SEC16B: variants seen among roughly 807,000 people sequenced by gnomAD.
SEC16B encodes protein transport protein Sec16B.
SEC16B carries 115 observed loss-of-function variants against 141.8 expected under a neutral mutation model. The observed-to-expected ratio is 0.81, with a 90% CI of 0.70 to 0.95. The LOEUF (loss-of-function observed/expected upper bound fraction) is 0.95, where lower values mean the gene tolerates loss of function less well. Ranked by LOEUF, SEC16B falls within the 40% of genes least tolerant of loss-of-function variation. SEC16B has a pLI of 0.00. For synonymous variants in SEC16B, 493 were observed against 492.5 expected (o/e 1.00, Z -0.01); for missense variants, 1,291 against 1,312.3 (o/e 0.98, Z 0.25).
intron 1 of SEC16B, among the ~76,000 whole-genome samples, chr1:177,975,764 G>A (rs762417143): frequency 1.4e-4 from 21 of 152,178 alleles, no homozygotes; most frequent in Non-Finnish European, 2.4e-4. Flanking sequence ...AGGGAGTGAC[G>A]GTTTAGTGCA....
Position 177,958,266 on chromosome 1 carries a change from G to A in SEC16B, c.1231C>T (p.Leu411=). 5 of 1,611,040 alleles carry A rather than the reference G, an allele frequency of 3.1e-6. No individual in the cohort carries two copies. The highest frequency in any genetic ancestry group is 4.2e-6 in the Non-Finnish European group (5 of 1,178,526). The change falls in exon 10 of 26, where the codon CTG becomes TTG. Residue 411 remains leucine (L), a synonymous_variant. Transcript: ENST00000308284. The part of the protein sequence containing the change: ...RQPPVANLIN[L]TDEDWPVLSS... ...AGCACTGGCCAGTCCTCATCGGTCA[G>A]GTTGATGAGGTTGGCCACAGGGGGC...
chr1:177,940,739 A>T (rs1651215455), intron 16 of SEC16B, 25 bp from the exon 17 acceptor site: 1 of 1,538,306 alleles, frequency 6.5e-7, no homozygotes, highest in Admixed American at 1.7e-5. Flanking sequence ...CAGATGGGTT[A>T]GGGGCAGAAA....
intron 3 of SEC16B, among the ~76,000 whole-genome samples, chr1:177,965,679 T>C (rs958375559): frequency 6.6e-6 from 1 of 152,178 alleles, no homozygotes; most frequent in Non-Finnish European, 1.5e-5. Flanking sequence ...ATAGTGCTAG[T>C]AACAGTACCA....
In SEC16B at chr1:177,937,391, A is replaced by G; in HGVS notation, c.2326T>C (p.Phe776Leu). The G allele has an allele frequency of 6.2e-7, 1 of 1,612,162 alleles. No homozygotes were observed. Among genetic ancestry groups the G allele is most frequent in the East Asian group, 2.2e-5 (1 of 44,834 alleles). ...CLLQPSPQQP[F>L]PLQPGSYPAG... ...GGGTAGGAGCCCGGCTGGAGGGGAA[A>G]GGGCTGCTGTGGGCTGGGCTGGAGC... The change falls in exon 19 of 26, where the codon TTT becomes CTT. Residue 776 changes from phenylalanine to leucine, a missense_variant. By Grantham distance (22) the Phe-to-Leu change is conservative. Around this residue, in one of 3 missense-constraint regions of SEC16B, gnomAD observed 605 missense variants for 614.1 expected, o/e 0.99. Coordinates refer to ENST00000308284, the MANE Select transcript of SEC16B (RefSeq NM_033127.4).
intron 1 of SEC16B, among the ~76,000 whole-genome samples, chr1:177,982,540 T>C (rs1482221731): frequency 6.6e-6 from 1 of 152,218 alleles, no homozygotes; most frequent in African/African-American, 2.4e-5. Context: ...ATAAAAATTG[T>C]GCTTTTTAAA....
At chr1:177,936,999 G>A (rs1484102440) in intron 19 of SEC16B, among the ~76,000 whole-genome samples, 1 of 152,168 alleles carries the variant, frequency 6.6e-6, no homozygotes, top group East Asian at 1.9e-4. Context: ...GAGATGGACT[G>A]GGCTGGAAGA....
upstream of SEC16B, among the ~76,000 whole-genome samples, chr1:177,972,614 C>T (rs923991232): frequency 6.6e-6 from 1 of 152,162 alleles, no homozygotes; most frequent in Non-Finnish European, 1.5e-5. Context: ...GGATTGGAGT[C>T]CTAGAAGTTT....
intron 12 of SEC16B, chr1:177,948,284 G>C (rs1651890084): frequency 8.2e-7 from 1 of 1,224,582 alleles, no homozygotes; most frequent in South Asian, 1.5e-5. Flanking sequence ...GAAAAACCCT[G>C]AGGCTTCAGT....
At chr1:177,976,937 A>C (rs972615534) in intron 1 of SEC16B, among the ~76,000 whole-genome samples, 5 of 152,206 alleles carry the variant, frequency 3.3e-5, no homozygotes, top group African/African-American at 1.2e-4. Context: ...ACAAAATTAG[A>C]AACTTTAAGA....
rs10913474 is a variant in SEC16B, at chr1:177,967,109, G to A, written c.299+574C>T. Among the ~76,000 whole-genome samples, 870 of 152,184 alleles carry A rather than the reference G, an allele frequency of 5.7e-3. 14 individuals are homozygous for A. The highest frequency in any genetic ancestry group is 0.02 in the African/African-American group (828 of 41,530). On this transcript the variant is annotated intron_variant, in intron 2 of 25. Transcript: ENST00000308284. ...GACCTCACTGCAACCTCTTCCTTCCGAACTTGGAGCCTGCAGGTTTCTATC... is the reference window on the plus strand; with the variant it reads ...GACCTCACTGCAACCTCTTCCTTCCAAACTTGGAGCCTGCAGGTTTCTATC...
upstream of SEC16B, among the ~76,000 whole-genome samples, chr1:177,972,291 C>T (rs1653993788): frequency 6.6e-6 from 1 of 152,156 alleles, no homozygotes; most frequent in Non-Finnish European, 1.5e-5. Context: ...TCTCACCACT[C>T]CAAAGGGTTT....
At chr1:177,930,714 G>A (rs1228915944) in intron 24 of SEC16B, 71 bp from the exon 25 acceptor site, 8 of 1,058,310 alleles carry the variant, frequency 7.6e-6, no homozygotes, top group African/African-American at 1.6e-5. Flanking sequence ...AGGCCTTCAA[G>A]AAGCATATCA....
Position 177,932,743 on chromosome 1 carries a change from CAG to C in SEC16B, c.2885_2886del (p.Pro962ArgfsTer9). ...AGLGLSLTPS[P>X]ESPPLPDVSA... ...CTAACATCCGGCAGAGGTGGGGACT[CAG>C]GGGAAGGTGTCAGTGAGAGGCCCAG... is the stretch of plus-strand genomic sequence containing the variant. On this transcript the variant is annotated frameshift_variant, in exon 23 of 26. Coordinates refer to ENST00000308284, the MANE Select transcript of SEC16B (RefSeq NM_033127.4). LOFTEE classifies it high-confidence loss of function. 6.2e-7 allele frequency: 1 copy of C among 1,610,334 alleles called. No homozygotes were observed. Among genetic ancestry groups the C allele is most frequent in the Non-Finnish European group, 8.5e-7 (1 of 1,178,480 alleles).
At chr1:177,933,420 C>T in intron 21 of SEC16B, 64 bp downstream of exon 21, 1 of 1,581,418 alleles carries the variant, frequency 6.3e-7, no homozygotes, top group Admixed American at 1.8e-5. Context: ...CAAGTCTGCA[C>T]CACCCTCGAG....
At chr1:177,958,756 A>G in intron 9 of SEC16B, 84 bp downstream of exon 9, 4 of 1,477,678 alleles carry the variant, frequency 2.7e-6, no homozygotes, top group Non-Finnish European at 3.6e-6. Context: ...GCTTTTCATA[A>G]TCATGTCATA....
chr1:177,960,160 T>C (rs959343536), intron 8 of SEC16B, 182 bp downstream of exon 8: 1 of 587,192 alleles, frequency 1.7e-6, no homozygotes, highest in East Asian at 2.8e-5. Context: ...AACTATTGAA[T>C]GGCTTGTCAA....
At chr1:177,946,565 A>G in intron 13 of SEC16B, 34 bp from the exon 14 acceptor site, 1 of 1,495,992 alleles carries the variant, frequency 6.7e-7, no homozygotes, top group Non-Finnish European at 9.1e-7. Context: ...CCAATCACGG[A>G]GCACACCCGT....
chr1:177,972,954 A>G (rs764815253), upstream of SEC16B, among the ~76,000 whole-genome samples: 1 of 152,178 alleles, frequency 6.6e-6, no homozygotes, highest in Non-Finnish European at 1.5e-5. Flanking sequence ...CAAACCAGGA[A>G]GTGGCCCTCA....
chr1:177,961,136 A>T, intron 6 of SEC16B, 197 bp from the exon 7 acceptor site: 1 of 582,718 alleles, frequency 1.7e-6, no homozygotes, highest in Non-Finnish European at 3.0e-6. Flanking sequence ...GTGTCAGAAT[A>T]CAATGCGTGG....
Sources: gnomAD v4.1 joint callset for allele counts (sites outside exome capture counted in the v4.1 genomes callset) on GRCh38, gnomAD v4.1.1 for gene constraint, gnomAD v4.1.1 regional missense constraint, MANE v1.5 for transcripts, NCBI Gene and HGNC (gene_info 2026-07-23, HGNC 2026-07-21) for gene names.